Variants in OBI1 observed in about 807,000 individuals in gnomAD.
OBI1 encodes ORC ubiquitin ligase 1.
In OBI1, 59 loss-of-function variants were observed where a neutral mutation model predicts 62.4. The ratio of observed to expected loss-of-function variants is 0.95; its 90% CI spans 0.77 to 1.17. The LOEUF (loss-of-function observed/expected upper bound fraction) is 1.17. Among genes scored for constraint, OBI1 ranks in the 50% most tolerant of loss-of-function variants. The pLI, the probability that OBI1 is intolerant of heterozygous loss-of-function variation, is 0.00. For missense variants in OBI1, 875 were observed against 830.9 expected (o/e 1.05, Z -0.65); for synonymous variants, 302 against 292.8 (o/e 1.03, Z -0.32).
In OBI1 at chr13:78,615,576, T is replaced by C. The variant is rs752542492; in HGVS notation, c.*4A>G. On this transcript the variant is annotated 3_prime_UTR_variant, in exon 6 of 6. Coordinates refer to ENST00000282003, the MANE Select transcript of OBI1 (RefSeq NM_024546.4). ...AAAACCACAAATGACACCTTTCTAA[T>C]GAGTCAACTTTTAGTTGCTTTTGAT... 4.4e-6 allele frequency: 7 copies of C among 1,578,526 alleles called. No individual in the cohort carries two copies. The South Asian group carries it at 8.2e-5, about 19-fold the overall frequency.
chr13:78,615,463 C>T lies in OBI1; in HGVS notation c.*117G>A, dbSNP rs749715036. 1.4e-6 allele frequency: 1 copy of T among 707,964 alleles called. No homozygotes were observed. The highest frequency in any genetic ancestry group is 2.3e-6 in the Non-Finnish European group (1 of 426,166). 43.9% of individuals were successfully genotyped at this position (707,964 alleles called of 1,614,324 possible). A position where few individuals can be genotyped will look rare whatever the true frequency, so the allele number is the denominator to read the frequency against. On this transcript the variant is annotated 3_prime_UTR_variant, in exon 6 of 6. Transcript: ENST00000282003. ...GTTAATCCACCATCCTGACTTGATA[C>T]TTGACTAAAGATTATCAATTCCAAT...
At chr13:78,654,068 T>A (rs1876625973) in intron 1 of OBI1, among the ~76,000 whole-genome samples, 1 of 151,088 alleles carries the variant, frequency 6.6e-6, no homozygotes, top group African/African-American at 2.4e-5. Flanking sequence ...ATAAGTCACT[T>A]AATGCCTATA....
intron 5 of OBI1, among the ~76,000 whole-genome samples, chr13:78,634,508 G>C (rs1048772833): frequency 6.6e-6 from 1 of 152,000 alleles, no homozygotes; most frequent in African/African-American, 2.4e-5. Flanking sequence ...TGTTGCCCAG[G>C]CTGGTCTCGA....
At chr13:78,639,327 C>G (rs1876131218) in intron 3 of OBI1, among the ~76,000 whole-genome samples, 2 of 152,092 alleles carry the variant, frequency 1.3e-5, no homozygotes, top group African/African-American at 4.8e-5. Context: ...TTAAAAATGC[C>G]AAATCTTTGA....
rs192481987 is a variant in OBI1, at chr13:78,647,148, T to C, written c.73-2151A>G. ...CCGGGTATTGTCCAAGGTTTCTCCC[T>C]ATGTGATAGCCTGAGATATGGCCTC... On this transcript the variant is annotated intron_variant, in intron 1 of 5. Coordinates refer to ENST00000282003, the MANE Select transcript of OBI1 (RefSeq NM_024546.4). Among the ~76,000 whole-genome samples the C allele has an allele frequency of 3.0e-3, 463 of 152,336 alleles. 3 individuals are homozygous for C. The highest frequency in any genetic ancestry group is 0.011 in the African/African-American group (446 of 41,576).
intron 1 of OBI1, among the ~76,000 whole-genome samples, chr13:78,656,208 T>C (rs1470709721): frequency 6.6e-6 from 1 of 152,230 alleles, no homozygotes; most frequent in African/African-American, 2.4e-5. Context: ...CTTTGTTTAA[T>C]CTTCTGAAAA....
At position 78,637,709 on chromosome 13, in the gene OBI1, A is replaced by G. The variant is rs117691440; in HGVS notation, c.549+1114T>C. ...TACTAACACTGGTCATCAATACCCA[A>G]AGAAACTATGCACTTCTCCCTCCTA... On this transcript the variant is annotated intron_variant, in intron 4 of 5. Coordinates refer to ENST00000282003, the MANE Select transcript of OBI1 (RefSeq NM_024546.4). Among the ~76,000 whole-genome samples, 153 of 152,336 alleles carry G rather than the reference A, an allele frequency of 1.0e-3. 1 individual carries two copies. The East Asian group carries it at 0.026, about 26-fold the overall frequency.
chr13:78,641,360 T>G (rs533720749), intron 3 of OBI1, among the ~76,000 whole-genome samples: 216 of 152,306 alleles, frequency 1.4e-3, no homozygotes, highest in Non-Finnish European at 2.3e-3. Context: ...CAATCATGTA[T>G]TTATACCCCA....
chr13:78,657,830 G>C (rs927864476), intron 1 of OBI1, among the ~76,000 whole-genome samples: 2 of 152,058 alleles, frequency 1.3e-5, no homozygotes, highest in Non-Finnish European at 2.9e-5. Flanking sequence ...TAGAAACATC[G>C]CTTCTTCCCT....
At position 78,616,906 on chromosome 13, in the gene OBI1, A is replaced by T; in HGVS notation, c.855T>A (p.Ser285Arg). 6.2e-7 allele frequency: 1 copy of T among 1,614,054 alleles called. No individual in the cohort carries two copies. The highest frequency in any genetic ancestry group is 8.5e-7 in the Non-Finnish European group (1 of 1,179,996). ...LSADGKGSKGSEEDVVSKNQG... is the reference protein window; with the variant it reads ...LSADGKGSKGREEDVVSKNQG... ...GATTCTTTGACACCACATCCTCCTC[A>T]CTGCCTTTGCTCCCTTTGCCATCTG... Residue 285 changes from serine to arginine, a missense_variant, in exon 6 of 6, where the codon AGT (serine) becomes AGA (arginine). Ser to Arg is a moderately radical substitution (Grantham distance 110). Coordinates refer to ENST00000282003, the MANE Select transcript of OBI1 (RefSeq NM_024546.4).
chr13:78,627,579 AC>A (rs1875713607), intron 5 of OBI1, among the ~76,000 whole-genome samples: 1 of 152,070 alleles, frequency 6.6e-6, no homozygotes, highest in Non-Finnish European at 1.5e-5. Context: ...TTCCAATTTC[AC>A]CCATGTTCCT....
intron 5 of OBI1, among the ~76,000 whole-genome samples, chr13:78,634,087 CAAAAAACAAAAAAA>C (rs1208409836): frequency 1.6e-5 from 2 of 122,038 alleles, no homozygotes; most frequent in African/African-American, 5.9e-5. Context: ...AAACAAAAAA[CAAAAAACAAAAAAA>C]AAAAACAAAA....
intron 1 of OBI1, among the ~76,000 whole-genome samples, chr13:78,655,290 T>C (rs752852680): frequency 3.3e-5 from 5 of 152,036 alleles, no homozygotes; most frequent in Non-Finnish European, 7.4e-5. Flanking sequence ...TACTCTGGGA[T>C]AGATCATTAC....
intron 1 of OBI1, among the ~76,000 whole-genome samples, chr13:78,645,866 T>A (rs879703328): frequency 6.6e-6 from 1 of 152,172 alleles, no homozygotes; most frequent in Admixed American, 6.5e-5. Context: ...GTCAGGCTGG[T>A]CTCAAACTCT....
intron 5 of OBI1, among the ~76,000 whole-genome samples, chr13:78,627,845 C>A (rs9574266): frequency 6.6e-6 from 1 of 152,088 alleles, no homozygotes; most frequent in African/African-American, 2.4e-5. Flanking sequence ...TAATAACGCA[C>A]CCTCATTTTA....
rs1875228306 is a variant in OBI1, at chr13:78,615,388, T to G, written c.*192A>C. 4.7e-6 allele frequency: 2 copies of G among 421,626 alleles called. No individual in the cohort carries two copies. Among genetic ancestry groups the G allele is most frequent in the Non-Finnish European group, 8.3e-6 (2 of 240,766 alleles). The allele number at this position is 421,626 out of a possible 1,614,324, so 26.1% of individuals were successfully genotyped here. ...GGTCACAAAGACTCCCAAATAAAAATGAAAAGAACAAAGTCTTTTCAAAAT... is the reference window on the plus strand; with the variant it reads ...GGTCACAAAGACTCCCAAATAAAAAGGAAAAGAACAAAGTCTTTTCAAAAT... On this transcript the variant is annotated 3_prime_UTR_variant, in exon 6 of 6. Coordinates refer to ENST00000282003, the MANE Select transcript of OBI1 (RefSeq NM_024546.4).
At chr13:78,642,012 A>T in intron 3 of OBI1, 110 bp downstream of exon 3, 1 of 478,556 alleles carries the variant, frequency 2.1e-6, no homozygotes. Flanking sequence ...ATAGGCTTTT[A>T]AAATAAAATT....
intron 1 of OBI1, among the ~76,000 whole-genome samples, chr13:78,654,123 ATCTCT>A (rs996777093): frequency 1.3e-5 from 2 of 151,876 alleles, no homozygotes; most frequent in African/African-American, 4.8e-5. Flanking sequence ...GAGATGATAC[ATCTCT>A]TCTCTTCTAC....
chr13:78,643,644 CG>C (rs1303877066), intron 2 of OBI1, among the ~76,000 whole-genome samples: 1 of 151,992 alleles, frequency 6.6e-6, no homozygotes, highest in Non-Finnish European at 1.5e-5. Context: ...CAAAATTAGC[CG>C]GGCGTGGTGA....
Sources: gnomAD v4.1 joint callset for allele counts (sites outside exome capture counted in the v4.1 genomes callset) on GRCh38, gnomAD v4.1.1 for gene constraint, MANE v1.5 for transcripts, NCBI Gene and HGNC (gene_info 2026-07-23, HGNC 2026-07-21) for gene names.